The following KSR2 variants were observed in gnomAD, a reference collection of about 807,000 sequenced individuals.
KSR2 encodes kinase suppressor of ras 2.
A neutral mutation model predicts 107.8 loss-of-function variants in KSR2; 25 were observed. The ratio of observed to expected loss-of-function variants is 0.23; its 90% CI spans 0.17 to 0.32. KSR2 has a LOEUF of 0.32. Among genes scored for constraint, KSR2 ranks in the 10% least tolerant of loss-of-function variants. The pLI, the probability that KSR2 is intolerant of heterozygous loss-of-function variation, is 1.00. For synonymous variants in KSR2, 480 were observed against 507.0 expected (o/e 0.95, Z 0.71); for missense variants, 887 against 1,268.9 (o/e 0.70, Z 4.57).
chr12:117,633,896 T>C (rs116722623), intron 5 of KSR2, among the ~76,000 whole-genome samples: 1 of 152,134 alleles, frequency 6.6e-6, no homozygotes, highest in Non-Finnish European at 1.5e-5. Context: ...TGCCCCAGTG[T>C]GGGGTGATGC....
At chr12:117,721,314 C>T (rs902664449) in intron 4 of KSR2, among the ~76,000 whole-genome samples, 7 of 151,936 alleles carry the variant, frequency 4.6e-5, no homozygotes, top group South Asian at 2.1e-4. Context: ...TAAATGCTTA[C>T]GATATAATGA....
chr12:117,665,672 A>G (rs1415669946), intron 5 of KSR2, among the ~76,000 whole-genome samples: 1 of 152,216 alleles, frequency 6.6e-6, no homozygotes, highest in Admixed American at 6.5e-5. Context: ...ACCATTTATT[A>G]TGCACCTACT....
intron 5 of KSR2, among the ~76,000 whole-genome samples, chr12:117,638,769 C>G (rs559789306): frequency 6.6e-6 from 1 of 152,072 alleles, no homozygotes; most frequent in Non-Finnish European, 1.5e-5. Flanking sequence ...AAATTCAGGA[C>G]TGAGCACTCA....
At chr12:117,808,394 G>A (rs989565378) in intron 3 of KSR2, among the ~76,000 whole-genome samples, 1 of 151,932 alleles carries the variant, frequency 6.6e-6, no homozygotes, top group Admixed American at 6.6e-5. Flanking sequence ...CTCCAACCTC[G>A]ATAAGTGGGA....
rs563458239 is a variant in KSR2 at position 117,863,047 on chromosome 12, C to T, written c.181-2616G>A. The stretch of plus-strand genomic sequence containing the variant: ...CCCGGCCTTCCATTCCCCCTTTTAC[C>T]GAAAAGAACATGTCAACTTTCTTTC... On this transcript the variant is annotated intron_variant, in intron 1 of 19. Coordinates refer to ENST00000339824, the MANE Select transcript of KSR2 (RefSeq NM_173598.6). 1.6e-3 allele frequency among the ~76,000 whole-genome samples: 237 copies of T among 152,146 alleles called. 2 individuals carry two copies. Among genetic ancestry groups the T allele is most frequent in the African/African-American group, 4.7e-3 (197 of 41,512 alleles).
chr12:117,487,674 C>T (rs532159367), intron 14 of KSR2, among the ~76,000 whole-genome samples: 44 of 152,196 alleles, frequency 2.9e-4, no homozygotes, highest in Admixed American at 2.6e-4. Context: ...CACTGCAGAC[C>T]GCAGAGCAAA....
At chr12:117,679,589 G>A (rs906953334) in intron 4 of KSR2, among the ~76,000 whole-genome samples, 94 of 152,238 alleles carry the variant, frequency 6.2e-4, no homozygotes, top group African/African-American at 2.1e-3. Flanking sequence ...ATAAGGGTAC[G>A]GGTGTCTCAA....
chr12:117,618,724 C>T (rs950943295), intron 5 of KSR2, among the ~76,000 whole-genome samples: 1 of 152,078 alleles, frequency 6.6e-6, no homozygotes, highest in African/African-American at 2.4e-5. Context: ...CTCTTGTCTG[C>T]CACCATGTAA....
chr12:117,544,357 C>T (rs557688931), intron 9 of KSR2, among the ~76,000 whole-genome samples: 3 of 152,210 alleles, frequency 2.0e-5, no homozygotes, highest in African/African-American at 4.8e-5. Context: ...CGGTGGCTTG[C>T]GCTTGTAATC....
intron 3 of KSR2, among the ~76,000 whole-genome samples, chr12:117,802,628 A>T (rs932957127): frequency 3.9e-5 from 6 of 152,220 alleles, no homozygotes; most frequent in Admixed American, 3.9e-4. Context: ...CCAGGAATAG[A>T]ATAATCTCTT....
At chr12:117,735,777 G>A (rs991206568) in intron 4 of KSR2, among the ~76,000 whole-genome samples, 5 of 152,030 alleles carry the variant, frequency 3.3e-5, no homozygotes, top group African/African-American at 9.7e-5. Flanking sequence ...TAAGAAATAC[G>A]CTTAACGGCT....
chr12:117,577,366 A>G (rs67793485), intron 7 of KSR2, among the ~76,000 whole-genome samples: 14 of 144,842 alleles, frequency 9.7e-5, no homozygotes, highest in African/African-American at 3.7e-4. Flanking sequence ...AGAGAGAGAG[A>G]GGGGGGGAGA....
intron 1 of KSR2, among the ~76,000 whole-genome samples, chr12:117,928,912 C>G (rs1895616154): frequency 6.6e-6 from 1 of 152,196 alleles, no homozygotes; most frequent in South Asian, 2.1e-4. Flanking sequence ...GTTTTGAACT[C>G]AGATCTGGTA....
At chr12:117,776,269 G>C (rs576000899) in intron 3 of KSR2, among the ~76,000 whole-genome samples, 1 of 152,104 alleles carries the variant, frequency 6.6e-6, no homozygotes, top group African/African-American at 2.4e-5. Context: ...TCCAGTCTCT[G>C]GAATGAAGAG....
chr12:117,881,264 C>T (rs1445186217), intron 1 of KSR2, among the ~76,000 whole-genome samples: 3 of 152,188 alleles, frequency 2.0e-5, no homozygotes, highest in Non-Finnish European at 2.9e-5. Context: ...GATTCATGGT[C>T]TCAACTCTGG....
In KSR2 at chr12:117,897,512, C is replaced by A. The variant is rs1446742562; in HGVS notation, c.181-37081G>T. Among the ~76,000 whole-genome samples, 2 of 152,068 alleles carry A rather than the reference C, an allele frequency of 1.3e-5. No individual in the cohort carries two copies. The highest frequency in any genetic ancestry group is 4.8e-5 in the African/African-American group (2 of 41,402). ...AGCTTACTGGTGTCTCCTGTGATTC[C>A]CAGGAGAGGGGCCGCACTCTGTCTT... On this transcript the variant is annotated intron_variant, in intron 1 of 19. Coordinates refer to ENST00000339824, the MANE Select transcript of KSR2 (RefSeq NM_173598.6). The surrounding 1 kb of genome is among the most constrained non-coding windows in gnomAD (Gnocchi z 4.5).
intron 5 of KSR2, among the ~76,000 whole-genome samples, chr12:117,611,681 G>C (rs1881609941): frequency 6.6e-6 from 1 of 152,098 alleles, no homozygotes; most frequent in African/African-American, 2.4e-5. Flanking sequence ...AGTAGCAGCT[G>C]GGAACCTCTT....
At chr12:117,563,951 C>T (rs1007321223) in intron 7 of KSR2, among the ~76,000 whole-genome samples, 1 of 152,164 alleles carries the variant, frequency 6.6e-6, no homozygotes, top group Non-Finnish European at 1.5e-5. Flanking sequence ...AACCACTTGC[C>T]CTCACATCCT....
chr12:117,765,345 G>A (rs992465929), intron 3 of KSR2, among the ~76,000 whole-genome samples: 1 of 152,182 alleles, frequency 6.6e-6, no homozygotes, highest in African/African-American at 2.4e-5. Flanking sequence ...CATCCTGAAT[G>A]AAATGGAAAG....
Sources: allele counts gnomAD v4.1 joint callset (sites outside exome capture counted in the v4.1 genomes callset), GRCh38; gene constraint gnomAD v4.1.1; non-coding constraint Gnocchi (gnomAD v3.1); transcripts MANE v1.5; gene names NCBI Gene and HGNC (gene_info 2026-07-23, HGNC 2026-07-21).